CNTN3: variants seen among roughly 807,000 people sequenced by gnomAD.
CNTN3 encodes the protein contactin 3, also known as contactin-3.
In CNTN3, 60 loss-of-function variants were observed where a neutral mutation model predicts 119.1. The observed-to-expected ratio is 0.50, with a 90% CI of 0.41 to 0.62. The LOEUF is 0.62. Ranked by LOEUF, CNTN3 falls within the 20% of genes least tolerant of loss-of-function variation. The pLI is 0.00. For missense variants in CNTN3, 1,101 were observed against 1,242.4 expected (o/e 0.89, Z 1.71); for synonymous variants, 450 against 438.7 (o/e 1.03, Z -0.32).
At chr3:74,323,984 C>A (rs1332728800) in intron 13 of CNTN3, among the ~76,000 whole-genome samples, 2 of 151,980 alleles carry the variant, frequency 1.3e-5, no homozygotes, top group African/African-American at 4.8e-5. Context: ...TGAATTACTA[C>A]TGACTCTCTT....
intron 11 of CNTN3, among the ~76,000 whole-genome samples, chr3:74,360,432 G>A (rs1443460145): frequency 6.6e-6 from 1 of 152,082 alleles, no homozygotes; most frequent in African/African-American, 2.4e-5. Context: ...TGTGACTTCA[G>A]GCAAATTAAT....
chr3:74,450,644 C>T (rs1337848949), intron 4 of CNTN3, among the ~76,000 whole-genome samples: 1 of 146,816 alleles, frequency 6.8e-6, no homozygotes, highest in African/African-American at 2.5e-5. Flanking sequence ...GTATATCTCC[C>T]AATGCTATCC....
intron 1 of CNTN3, among the ~76,000 whole-genome samples, chr3:74,577,362 T>C (rs1480144804): frequency 6.6e-6 from 1 of 152,206 alleles, no homozygotes; most frequent in African/African-American, 2.4e-5. Context: ...TGCATTAAAA[T>C]ATATCTTGGT....
At chr3:74,273,738 G>A (rs1028999210) in intron 20 of CNTN3, among the ~76,000 whole-genome samples, 9 of 152,272 alleles carry the variant, frequency 5.9e-5, no homozygotes, top group Non-Finnish European at 4.4e-5. Flanking sequence ...CCAGAGGCAC[G>A]AGGAAACCAC....
rs1485323839 is a variant in CNTN3, at chr3:74,298,028, T to G, written c.2330A>C (p.Lys777Thr). The change falls in exon 18 of 23, where the codon AAA becomes ACA. Residue 777 changes from lysine to threonine, a missense_variant. Coordinates refer to ENST00000263665, the MANE Select transcript of CNTN3 (RefSeq NM_020872.3). The part of the protein sequence containing the change: ...SIVPYSPYEV[K>T]VGVYNNKGEG... ...ACCTTTGTTATTATAAACACCCACT[T>G]TAACTTCATATGGTGAATATGGCAC... The G allele has an allele frequency of 6.2e-7, 1 of 1,614,010 alleles. No individual in the cohort carries two copies. The highest frequency in any genetic ancestry group is 8.5e-7 in the Non-Finnish European group (1 of 1,179,980).
chr3:74,480,657 AT>A (rs1317739045), intron 4 of CNTN3, among the ~76,000 whole-genome samples: 3 of 152,004 alleles, frequency 2.0e-5, no homozygotes, highest in African/African-American at 4.8e-5. Context: ...AAATAAAAAA[AT>A]ATAGATGTTT....
At chr3:74,605,296 C>T (rs1575863830) in intron 1 of CNTN3, among the ~76,000 whole-genome samples, 1 of 151,946 alleles carries the variant, frequency 6.6e-6, no homozygotes, top group East Asian at 1.9e-4. Context: ...TAAGCTTTTT[C>T]ACCATACAAA....
intron 4 of CNTN3, among the ~76,000 whole-genome samples, chr3:74,461,110 A>G (rs1181643986): frequency 6.6e-6 from 1 of 151,822 alleles, no homozygotes; most frequent in Admixed American, 6.6e-5. Flanking sequence ...TGATCATACA[A>G]TTACTTTTCT....
chr3:74,423,048 C>T (rs1701641734), intron 5 of CNTN3, among the ~76,000 whole-genome samples: 1 of 152,122 alleles, frequency 6.6e-6, no homozygotes, highest in South Asian at 2.1e-4. Flanking sequence ...CAGAGGTCAC[C>T]TTTGCCTCCA....
intron 1 of CNTN3, among the ~76,000 whole-genome samples, chr3:74,555,204 A>G (rs1455966880): frequency 1.3e-5 from 2 of 152,096 alleles, no homozygotes; most frequent in African/African-American, 2.4e-5. Context: ...TGTTTATGTG[A>G]TGGAATACAT....
At chr3:74,345,384 C>G (rs1042915413) in intron 11 of CNTN3, among the ~76,000 whole-genome samples, 1 of 152,178 alleles carries the variant, frequency 6.6e-6, no homozygotes, top group African/African-American at 2.4e-5. Flanking sequence ...TCTTCATTTG[C>G]ACTGCAGCAC....
At chr3:74,427,732 T>A (rs1430218767) in intron 4 of CNTN3, among the ~76,000 whole-genome samples, 1 of 152,074 alleles carries the variant, frequency 6.6e-6, no homozygotes, top group Non-Finnish European at 1.5e-5. Flanking sequence ...AATTTCTACA[T>A]ACTAATAATA....
intron 4 of CNTN3, among the ~76,000 whole-genome samples, chr3:74,434,917 T>C (rs1701841375): frequency 6.6e-6 from 1 of 152,238 alleles, no homozygotes; most frequent in Non-Finnish European, 1.5e-5. Flanking sequence ...TCAGATATTT[T>C]TTGGATGTCC....
At chr3:74,336,356 T>A (rs1559552751) in intron 12 of CNTN3, among the ~76,000 whole-genome samples, 175 bp downstream of exon 12, 1 of 152,174 alleles carries the variant, frequency 6.6e-6, no homozygotes, top group Non-Finnish European at 1.5e-5. Context: ...CACACTGTGC[T>A]GTGCTAAGGA....
chr3:74,583,624 T>C (rs975768158), intron 1 of CNTN3, among the ~76,000 whole-genome samples: 32 of 152,310 alleles, frequency 2.1e-4, no homozygotes, highest in African/African-American at 7.7e-4. Context: ...TGAATGCAAG[T>C]CTTGTATACC....
rs1248151921 is a variant in CNTN3 at position 74,521,162 on chromosome 3, G to T, written c.-50C>A. On this transcript the variant is annotated 5_prime_UTR_variant, in exon 2 of 23. Transcript: ENST00000263665. ...ACTCTTGTCCAGTCTCTGATGAATA[G>T]AATGCTTTCTCTTCAGGTAAATCCT... is the stretch of plus-strand genomic sequence containing the variant. 7.4e-6 allele frequency: 8 copies of T among 1,084,870 alleles called. No homozygotes were observed. The highest frequency in any genetic ancestry group is 1.1e-5 in the Non-Finnish European group (8 of 742,508). 67.2% of individuals were successfully genotyped at this position (1,084,870 alleles called of 1,614,324 possible). A position where few individuals can be genotyped will look rare whatever the true frequency, so the allele number is the denominator to read the frequency against.
At chr3:74,565,550 G>C (rs1469366514) in intron 1 of CNTN3, among the ~76,000 whole-genome samples, 1 of 152,160 alleles carries the variant, frequency 6.6e-6, no homozygotes, top group East Asian at 1.9e-4. Flanking sequence ...ATAGGTTCCA[G>C]TGATGAAGAT....
In CNTN3 at chr3:74,420,614, T is replaced by C. The variant is rs1701601846; in HGVS notation, c.454+4231A>G. Among the ~76,000 whole-genome samples the C allele has an allele frequency of 2.0e-5, 3 of 152,306 alleles. No homozygotes were observed. In the South Asian group the frequency reaches 6.2e-4, roughly 32 times the overall value. ...GGGCTGGAAAATTAAAACAAAACCA[T>C]GAACTGTGCTGTCTCCAATTTTGAA... On this transcript the variant is annotated intron_variant, in intron 5 of 22. Coordinates refer to ENST00000263665, the MANE Select transcript of CNTN3 (RefSeq NM_020872.3).
intron 8 of CNTN3, among the ~76,000 whole-genome samples, chr3:74,368,950 T>C (rs1704267950): frequency 6.6e-6 from 1 of 152,150 alleles, no homozygotes; most frequent in African/African-American, 2.4e-5. Flanking sequence ...AAATATTTTA[T>C]CTTTGCATGA....
Sources: gnomAD v4.1 joint callset for allele counts (sites outside exome capture counted in the v4.1 genomes callset) on GRCh38, gnomAD v4.1.1 for gene constraint, MANE v1.5 for transcripts, NCBI Gene and HGNC (gene_info 2026-07-23, HGNC 2026-07-21) for gene names.